LSR: variants seen among roughly 807,000 people sequenced by gnomAD.
LSR encodes lipolysis stimulated lipoprotein receptor.
LSR carries 44 observed loss-of-function variants against 61.8 expected under a neutral mutation model. The ratio of observed to expected loss-of-function variants is 0.71; its 90% CI spans 0.56 to 0.91. LSR has a LOEUF of 0.91. LSR is among the 40% of genes least tolerant of loss of function. The pLI is 0.00. For missense variants in LSR, 911 were observed against 830.5 expected, an observed-to-expected ratio of 1.10 and a Z score of -1.19; for synonymous variants, 397 against 350.6, an observed-to-expected ratio of 1.13 and a Z score of -1.48.
Position 35,267,129 on chromosome 19 carries a change from C to G in LSR, c.1165C>G (p.Leu389Val). The change falls in exon 9 of 10, where the codon CTC (leucine) becomes GTC (valine). Residue 389 changes from leucine to valine, a missense_variant. Transcript: ENST00000605618. ...VERAMSEVTSLHEDDWRSRPS... is the reference protein window; with the variant it reads ...VERAMSEVTSVHEDDWRSRPS... ...TGCAGCCATGAGTGAAGTCACCTCC[C>G]TCCACGAGGACGACTGGCGATCTCG... is the stretch of plus-strand genomic sequence containing the variant. 1 of 1,529,426 alleles carries G rather than the reference C, an allele frequency of 6.5e-7. No homozygotes were observed. The highest frequency in any genetic ancestry group is 1.3e-5 in the South Asian group (1 of 76,158). The allele number at this position is 1,529,426 out of a possible 1,614,324, so 94.7% of individuals were successfully genotyped here. A position where few individuals can be genotyped will look rare whatever the true frequency, so the allele number is the denominator to read the frequency against.
chr19:35,249,321 C>A (rs1210502043), intron 1 of LSR, 190 bp downstream of exon 1: 8 of 644,446 alleles, frequency 1.2e-5, no homozygotes, highest in Non-Finnish European at 2.0e-5. Flanking sequence ...GGGGAGCGCT[C>A]CCCGCGCCCT....
intron 3 of LSR, among the ~76,000 whole-genome samples, chr19:35,261,176 C>T (rs1162433988): frequency 6.6e-6 from 1 of 152,100 alleles, no homozygotes; most frequent in Non-Finnish European, 1.5e-5. Context: ...AGACAAGAAC[C>T]GGCTCTGAGA....
rs916147 is a variant in LSR at position 35,266,347 on chromosome 19, G to A, written c.779-12G>A. 590,173 of 1,554,604 alleles carry A rather than the reference G, an allele frequency of 0.38. 117,379 individuals are homozygous for A. The highest frequency in any genetic ancestry group is 0.42 in the Non-Finnish European group (477,862 of 1,147,118). On this transcript the variant is annotated splice_polypyrimidine_tract_variant and intron_variant, in intron 5 of 9. Transcript: ENST00000605618. The stretch of plus-strand genomic sequence containing the variant: ...CCTCATCCCCCTTCTCCTGTTGATT[G>A]TGTCCTCACAGTGTATGCCGCCGGC...
chr19:35,267,292 C>T lies in LSR; in HGVS notation c.1328C>T (p.Ala443Val), dbSNP rs527328416. ...GGGWRARRPR[A>V]RSVDALDDLT... is the part of the protein sequence containing the mutation. ...GGCTGGCGGGCCAGGCGGCCCCGGGCCCGCTCCGTGGACGCCCTGGACGAC... is the reference window on the plus strand; with the variant it reads ...GGCTGGCGGGCCAGGCGGCCCCGGGTCCGCTCCGTGGACGCCCTGGACGAC... Residue 443 changes from alanine to valine, a missense_variant, in exon 9 of 10, where the codon GCC becomes GTC. Transcript: ENST00000605618. 13 of 1,533,148 alleles carry T rather than the reference C, an allele frequency of 8.5e-6. No homozygotes were observed. In the Admixed American group the frequency reaches 2.4e-4, roughly 28 times the overall value. 95.0% of individuals were successfully genotyped at this position (1,533,148 alleles called of 1,614,324 possible).
intron 2 of LSR, chr19:35,251,491 A>G (rs551139180): frequency 6.6e-6 from 1 of 152,356 alleles, no homozygotes; most frequent in African/African-American, 2.4e-5. Flanking sequence ...TTGTCATCTT[A>G]CAGAGGCCCA....
chr19:35,266,582 G>A, intron 6 of LSR, 50 bp downstream of exon 6: 1 of 1,602,226 alleles, frequency 6.2e-7, no homozygotes, highest in Non-Finnish European at 8.5e-7. Context: ...CTGGGCATCT[G>A]GACACTGAGG....
intron 2 of LSR, among the ~76,000 whole-genome samples, chr19:35,257,891 C>T (rs2065875463): frequency 6.6e-6 from 1 of 152,142 alleles, no homozygotes; most frequent in Admixed American, 6.6e-5. Flanking sequence ...AAGAGCGTCC[C>T]CAAGCCCTGG....
intron 2 of LSR, among the ~76,000 whole-genome samples, chr19:35,257,832 T>C (rs2065874638): frequency 1.3e-5 from 2 of 152,262 alleles, no homozygotes. Flanking sequence ...CCAAAACACT[T>C]TGATGGATGG....
intron 2 of LSR, among the ~76,000 whole-genome samples, chr19:35,258,465 A>G (rs2065882434): frequency 6.6e-6 from 1 of 152,004 alleles, no homozygotes; most frequent in South Asian, 2.1e-4. Context: ...CAAAAAAAAA[A>G]AAAAGCTGGG....
intron 5 of LSR, among the ~76,000 whole-genome samples, chr19:35,263,341 CACT>C (rs1259712649): frequency 2.0e-5 from 3 of 151,814 alleles, no homozygotes; most frequent in African/African-American, 4.8e-5. Flanking sequence ...AGGTTTACAA[CACT>C]ACATGATTTA....
Position 35,251,154 on chromosome 19 carries a change from A to AT in LSR, c.454+501dup, listed in dbSNP as rs201528312. Among the ~76,000 whole-genome samples, 829 of 152,236 alleles carry AT rather than the reference A, an allele frequency of 5.4e-3. 7 individuals carry two copies. Among genetic ancestry groups the AT allele is most frequent in the African/African-American group, 0.019 (792 of 41,528 alleles). ...TCCATTCTTTAATTTAATAACGAAG[A>AT]TTTTTTGAGTACCTGTCATATACCA... On this transcript the variant is annotated intron_variant, in intron 2 of 9. Transcript: ENST00000605618.
chr19:35,261,397 G>T (rs969845821), intron 3 of LSR, among the ~76,000 whole-genome samples: 3 of 152,178 alleles, frequency 2.0e-5, no homozygotes, highest in African/African-American at 7.2e-5. Context: ...AACCATTTCA[G>T]CCAGGTGTGG....
intron 2 of LSR, among the ~76,000 whole-genome samples, chr19:35,256,513 A>G (rs1474268137): frequency 6.6e-6 from 1 of 152,202 alleles, no homozygotes; most frequent in East Asian, 1.9e-4. Flanking sequence ...ATTGTATGTC[A>G]CGTAGCCTCT....
intron 2 of LSR, chr19:35,251,840 G>GTTTTTTTTTTTTTTTTTTTTTTTTTTT (rs1339584339): frequency 8.3e-6 from 1 of 120,478 alleles, no homozygotes; most frequent in African/African-American, 3.2e-5. Flanking sequence ...TGAGAACCTT[G>GTTTTTTTTTTTTTTTTTTTTTTTTTTT]TTCTTTTTTT....
Position 35,262,598 on chromosome 19 carries a change from C to T in LSR, c.684C>T (p.Leu228=). 6.2e-7 allele frequency: 1 copy of T among 1,614,258 alleles called. No individual in the cohort carries two copies. Among genetic ancestry groups the T allele is most frequent in the Non-Finnish European group, 8.5e-7 (1 of 1,180,042 alleles). ...VCLAAFLIFL[L]LGICWCQCCP... ...TGGCTGCCTTCCTCATCTTCCTCCT[C>T]CTGGGCATCTGCTGGTGCCAGTGCT... Residue 228 remains leucine, a synonymous_variant, in exon 5 of 10, where the codon CTC becomes CTT. Transcript: ENST00000605618.
chr19:35,267,877 A>G lies in LSR; in HGVS notation c.*18A>G, dbSNP rs370824872. The stretch of plus-strand genomic sequence containing the variant: ...TCGTCTGATCTGACGTTTTCTACGT[A>G]GCTTTTGTATTTTTTTTTTTAATTT... On this transcript the variant is annotated 3_prime_UTR_variant, in exon 10 of 10. Transcript: ENST00000605618. 395 of 1,611,818 alleles carry G rather than the reference A, an allele frequency of 2.5e-4. No individual in the cohort carries two copies. The highest frequency in any genetic ancestry group is 3.2e-4 in the Non-Finnish European group (378 of 1,179,038).
rs2066037313 is a variant in LSR at position 35,267,599 on chromosome 19, G to A, written c.1635G>A (p.Glu545=). 6.2e-6 allele frequency: 10 copies of A among 1,612,368 alleles called. No homozygotes were observed. Among genetic ancestry groups the A allele is most frequent in the Non-Finnish European group, 8.5e-6 (10 of 1,179,718 alleles). ...DLPYDGRLLE[E]AVRKKGSEER... Reference sequence around the variant, plus strand: ...CCTATGATGGGCGGCTACTGGAGGAGGCTGTGAGGAAGAAGGGGTCGGAGG... The same window carrying A: ...CCTATGATGGGCGGCTACTGGAGGAAGCTGTGAGGAAGAAGGGGTCGGAGG... Residue 545 remains glutamate, a synonymous_variant, in exon 9 of 10, where the codon GAG becomes GAA. Coordinates refer to ENST00000605618, the MANE Select transcript of LSR (RefSeq NM_205834.4).
chr19:35,267,097 C>A lies in LSR; in HGVS notation c.1145-12C>A. ...CTCCTCCAGCAGTCAGTGACACCCC[C>A]CTTCCCTGCAGCCATGAGTGAAGTC... On this transcript the variant is annotated splice_polypyrimidine_tract_variant and intron_variant, in intron 8 of 9. Coordinates refer to ENST00000605618, the MANE Select transcript of LSR (RefSeq NM_205834.4). The A allele has an allele frequency of 1.3e-6, 2 of 1,525,864 alleles. No homozygotes were observed. The highest frequency in any genetic ancestry group is 1.8e-6 in the Non-Finnish European group (2 of 1,140,390). 94.5% of individuals were successfully genotyped at this position (1,525,864 alleles called of 1,614,324 possible). A position where few individuals can be genotyped will look rare whatever the true frequency, so the allele number is the denominator to read the frequency against.
chr19:35,264,925 A>G (rs889036709), intron 5 of LSR: 1 of 149,914 alleles, frequency 6.7e-6, no homozygotes, highest in Non-Finnish European at 1.5e-5. Context: ...CACCAGTCAG[A>G]GCCCTGGTGC....
Sources: gnomAD v4.1 joint callset for allele counts (sites outside exome capture counted in the v4.1 genomes callset) on GRCh38, gnomAD v4.1.1 for gene constraint, MANE v1.5 for transcripts, NCBI Gene and HGNC (gene_info 2026-07-23, HGNC 2026-07-21) for gene names.